The following AOPEP variants were observed in gnomAD, a reference collection of about 807,000 sequenced individuals.
AOPEP encodes the protein aminopeptidase O.
In AOPEP, 77 loss-of-function variants were observed where a neutral mutation model predicts 98.1. The ratio of observed to expected loss-of-function variants is 0.78; its 90% CI spans 0.65 to 0.95. The LOEUF is 0.95. AOPEP is among the 40% of genes least tolerant of loss of function. The pLI is 0.00. For missense variants in AOPEP, 1,024 were observed against 1,024.7 expected, an observed-to-expected ratio of 1.00 and a Z score of 0.01; for synonymous variants, 346 against 365.3, an observed-to-expected ratio of 0.95 and a Z score of 0.60.
In AOPEP at chr9:94,972,028, C is replaced by T. The variant is rs1049478296; in HGVS notation, c.1916+4227C>T. Among the ~76,000 whole-genome samples, 1 of 152,036 alleles carries T rather than the reference C, an allele frequency of 6.6e-6. No individual in the cohort carries two copies. The highest frequency in any genetic ancestry group is 1.5e-5 in the Non-Finnish European group (1 of 68,028). On this transcript the variant is annotated intron_variant, in intron 10 of 16. Transcript: ENST00000375315. This position sits in a 1 kb window ranked among gnomAD's most constrained non-coding sequence, Gnocchi z 4.2. ...GGGCAGTGTGGCAGAGAGATGGGGG[C>T]GGAGAGGACTGGAAGCCAGGAAAAC...
At chr9:95,041,231 T>G (rs2065262243) in intron 13 of AOPEP, among the ~76,000 whole-genome samples, 1 of 152,182 alleles carries the variant, frequency 6.6e-6, no homozygotes, top group African/African-American at 2.4e-5. Flanking sequence ...GTGAAACATT[T>G]GGGGCCAAAG....
chr9:94,945,485 G>A (rs7871699), intron 7 of AOPEP, among the ~76,000 whole-genome samples: 1 of 152,136 alleles, frequency 6.6e-6, no homozygotes, highest in Non-Finnish European at 1.5e-5. Flanking sequence ...AGAGCACACT[G>A]TTGCTGGCAA....
chr9:94,913,468 T>C (rs1207000210), intron 5 of AOPEP, among the ~76,000 whole-genome samples: 1 of 152,198 alleles, frequency 6.6e-6, no homozygotes, highest in Admixed American at 6.5e-5. Context: ...AAGCGTGCCA[T>C]GGTGGTCTAT....
chr9:94,959,207 C>T (rs990686362), intron 9 of AOPEP, among the ~76,000 whole-genome samples: 4 of 152,194 alleles, frequency 2.6e-5, no homozygotes, highest in Admixed American at 2.0e-4. Flanking sequence ...CCACACCTGG[C>T]TAATTTTTTG....
chr9:94,975,140 AG>A (rs1323308717), intron 10 of AOPEP, among the ~76,000 whole-genome samples: 1 of 152,114 alleles, frequency 6.6e-6, no homozygotes, highest in Admixed American at 6.6e-5. Flanking sequence ...CTGAGATGGG[AG>A]GATCGTTTCA....
At chr9:95,124,228 C>A in the AOPEP span, among the ~76,000 whole-genome samples, 1 of 151,606 alleles carries the variant, frequency 6.6e-6, no homozygotes, top group Non-Finnish European at 1.5e-5. Flanking sequence ...GGAAGTCAAA[C>A]TGCGGAGAGC....
At chr9:95,128,510 A>G in the AOPEP span, among the ~76,000 whole-genome samples, 1 of 152,210 alleles carries the variant, frequency 6.6e-6, no homozygotes, top group African/African-American at 2.4e-5. Context: ...GAATCATTCA[A>G]TACTAATTAT....
chr9:95,034,979 CTTT>C (rs34875677), intron 13 of AOPEP, among the ~76,000 whole-genome samples: 9 of 144,618 alleles, frequency 6.2e-5, no homozygotes, highest in Admixed American at 6.8e-5. Flanking sequence ...TTTCTTTTTT[CTTT>C]TTTTTTTTTT....
At chr9:95,112,363 C>G in the AOPEP span, among the ~76,000 whole-genome samples, 5 of 152,100 alleles carry the variant, frequency 3.3e-5, no homozygotes, top group Admixed American at 6.6e-5. Context: ...TGTTCCTGGC[C>G]CCTTTGTTGG....
chr9:95,111,377 A>T, the AOPEP span: 1 of 1,597,788 alleles, frequency 6.3e-7, no homozygotes. Context: ...CATGGAAGCC[A>T]AGCCCACAAC....
intron 5 of AOPEP, among the ~76,000 whole-genome samples, chr9:94,911,313 G>C (rs2052001848): frequency 6.6e-6 from 1 of 152,196 alleles, no homozygotes; most frequent in Non-Finnish European, 1.5e-5. Flanking sequence ...AAATGTCATG[G>C]TGATAAAAAC....
intron 5 of AOPEP, among the ~76,000 whole-genome samples, chr9:94,807,772 C>T (rs559352003): frequency 2.0e-5 from 3 of 152,348 alleles, no homozygotes; most frequent in African/African-American, 7.2e-5. Context: ...AGCTTCTGTA[C>T]TGCTGATGTA....
At chr9:94,942,598 C>CA (rs1344721079) in intron 7 of AOPEP, among the ~76,000 whole-genome samples, 1 of 152,064 alleles carries the variant, frequency 6.6e-6, no homozygotes, top group East Asian at 1.9e-4. Context: ...AAGTGAACTA[C>CA]AAGGCATCCA....
At chr9:94,914,848 C>T (rs1021023585) in intron 5 of AOPEP, among the ~76,000 whole-genome samples, 5 of 152,194 alleles carry the variant, frequency 3.3e-5, no homozygotes, top group Admixed American at 6.5e-5. Context: ...AACAAACTCT[C>T]TTGGGGTGAG....
chr9:94,969,307 AG>A (rs746713398), intron 10 of AOPEP, among the ~76,000 whole-genome samples: 3 of 151,860 alleles, frequency 2.0e-5, no homozygotes, highest in Non-Finnish European at 2.9e-5. Context: ...GGGTTTGCAG[AG>A]GGGTCTTAGA....
chr9:95,056,781 T>C (rs977283960), intron 13 of AOPEP, among the ~76,000 whole-genome samples: 2 of 152,218 alleles, frequency 1.3e-5, no homozygotes, highest in African/African-American at 4.8e-5. Flanking sequence ...AGATCTTCCA[T>C]GTTTAGAGTA....
intron 3 of AOPEP, among the ~76,000 whole-genome samples, chr9:94,785,404 A>G (rs1407271506): frequency 6.6e-6 from 1 of 152,192 alleles, no homozygotes; most frequent in Admixed American, 6.5e-5. Context: ...GTCATACGAT[A>G]CATGTATCTT....
At chr9:94,951,092 A>G (rs2058071859) in intron 7 of AOPEP, among the ~76,000 whole-genome samples, 1 of 152,260 alleles carries the variant, frequency 6.6e-6, no homozygotes, top group African/African-American at 2.4e-5. Flanking sequence ...GGTGCCAAGT[A>G]CAACAGAAAC....
intron 5 of AOPEP, among the ~76,000 whole-genome samples, chr9:94,887,400 G>A (rs1202981126): frequency 6.6e-6 from 1 of 151,948 alleles, no homozygotes; most frequent in African/African-American, 2.4e-5. Context: ...AATTCACACA[G>A]GATGGAATTC....
Sources: allele counts gnomAD v4.1 joint callset (sites outside exome capture counted in the v4.1 genomes callset), GRCh38; gene constraint gnomAD v4.1.1; non-coding constraint Gnocchi (gnomAD v3.1); transcripts MANE v1.5; gene names NCBI Gene and HGNC (gene_info 2026-07-23, HGNC 2026-07-21).